Variants in LUZP2 observed in about 807,000 individuals in gnomAD.
LUZP2 encodes leucine zipper protein 2.
A neutral mutation model predicts 51.6 loss-of-function variants in LUZP2; 52 were observed. The ratio of observed to expected loss-of-function variants is 1.01; its 90% confidence interval spans 0.81 to 1.27. The LOEUF (loss-of-function observed/expected upper bound fraction) is 1.27. Among genes scored for constraint, LUZP2 ranks in the 50% most tolerant of loss-of-function variants. The pLI is 0.00. For missense variants in LUZP2, 436 were observed against 395.4 expected (o/e 1.10, Z -0.87); for synonymous variants, 154 against 137.3 (o/e 1.12, Z -0.85).
chr11:24,667,972 T>C (rs1856272739), intron 1 of LUZP2, among the ~76,000 whole-genome samples: 1 of 152,170 alleles, frequency 6.6e-6, no homozygotes, highest in African/African-American at 2.4e-5. Context: ...TTTATAGAAA[T>C]GAGAACTATA....
chr11:24,802,980 T>A (rs1849736637), intron 5 of LUZP2, among the ~76,000 whole-genome samples: 1 of 152,068 alleles, frequency 6.6e-6, no homozygotes, highest in African/African-American at 2.4e-5. Flanking sequence ...TTGTGAGAAA[T>A]AACTTTCTGT....
At chr11:24,907,942 A>G (rs963597440) in intron 6 of LUZP2, among the ~76,000 whole-genome samples, 10 of 152,008 alleles carry the variant, frequency 6.6e-5, no homozygotes, top group African/African-American at 2.2e-4. Flanking sequence ...GTTCATTGCA[A>G]TTTATTTGCT....
chr11:24,750,948 A>T (rs551366228), intron 4 of LUZP2, among the ~76,000 whole-genome samples: 2 of 152,150 alleles, frequency 1.3e-5, no homozygotes, highest in South Asian at 4.1e-4. Flanking sequence ...TTTTATAATC[A>T]AAATATATGG....
At chr11:24,616,298 C>T (rs942015066) in intron 1 of LUZP2, among the ~76,000 whole-genome samples, 1 of 152,012 alleles carries the variant, frequency 6.6e-6, no homozygotes, top group Non-Finnish European at 1.5e-5. Context: ...TTCACCCCAC[C>T]TTTTCCCCTA....
chr11:24,814,580 T>C (rs1329263055), intron 5 of LUZP2, among the ~76,000 whole-genome samples: 2 of 152,196 alleles, frequency 1.3e-5, no homozygotes, highest in African/African-American at 4.8e-5. Context: ...TTCTTGCAAA[T>C]GGTTTCTTTA....
At chr11:24,884,285 A>C (rs1852596981) in intron 5 of LUZP2, among the ~76,000 whole-genome samples, 1 of 152,022 alleles carries the variant, frequency 6.6e-6, no homozygotes. Context: ...AAACAGATTA[A>C]ATAAAGGAAG....
At chr11:24,986,692 C>G (rs1051875523) in intron 9 of LUZP2, among the ~76,000 whole-genome samples, 1 of 151,420 alleles carries the variant, frequency 6.6e-6, no homozygotes, top group Non-Finnish European at 1.5e-5. Flanking sequence ...AATTAATAAA[C>G]AAAAAGGCTT....
chr11:24,741,789 T>C lies in LUZP2; in HGVS notation c.333+3487T>C, dbSNP rs982270148. ...GTTGTATTCCATTATATATATATGG[T>C]TAATATATATATTATGGTTAATTAT... On this transcript the variant is annotated intron_variant, in intron 4 of 11. Transcript: ENST00000336930. 3.5e-5 allele frequency among the ~76,000 whole-genome samples: 5 copies of C among 144,460 alleles called. No individual in the cohort carries two copies. In the Admixed American group the frequency reaches 3.6e-4, roughly 10 times the overall value. The allele number at this position is 144,460 out of a possible 152,430, so 94.8% of individuals were successfully genotyped here.
chr11:24,866,401 T>C (rs1226598166), intron 5 of LUZP2, among the ~76,000 whole-genome samples: 2 of 152,156 alleles, frequency 1.3e-5, no homozygotes, highest in Non-Finnish European at 2.9e-5. Flanking sequence ...ACTATCTCAA[T>C]ATGCTATTGG....
rs190699717 is a variant in LUZP2 at position 24,622,900 on chromosome 11, A to G, written c.63-106269A>G. Among the ~76,000 whole-genome samples, 596 of 152,284 alleles carry G rather than the reference A, an allele frequency of 3.9e-3. 4 individuals are homozygous for G. Among genetic ancestry groups the G allele is most frequent in the African/African-American group, 0.013 (560 of 41,556 alleles). On this transcript the variant is annotated intron_variant, in intron 1 of 11. Coordinates refer to ENST00000336930, the MANE Select transcript of LUZP2 (RefSeq NM_001009909.4). ...AATTTTTAGGCAAACTGTCTTTTTT[A>G]CTTTCTAAATATATGTGGAACTGTT...
In LUZP2 at chr11:25,036,316, A is replaced by G. The variant is rs184932143; in HGVS notation, c.766-13722A>G. On this transcript the variant is annotated intron_variant, in intron 9 of 11. Transcript: ENST00000336930. ...ATATTTCTGTGGGATGAGTTGTAAT[A>G]TCTCCTTTGACATTTCTGATTGTGC... is the stretch of plus-strand genomic sequence containing the variant. Among the ~76,000 whole-genome samples the G allele has an allele frequency of 4.9e-3, 743 of 152,064 alleles. 3 individuals are homozygous for G. Among genetic ancestry groups the G allele is most frequent in the Middle Eastern group, 0.014 (4 of 292 alleles).
intron 1 of LUZP2, among the ~76,000 whole-genome samples, chr11:24,677,087 G>A (rs2133861243): frequency 6.6e-6 from 1 of 151,074 alleles, no homozygotes; most frequent in Non-Finnish European, 1.5e-5. Flanking sequence ...TACCTTTTCT[G>A]CCTCCTAATG....
At chr11:24,629,696 G>T (rs3992983) in intron 1 of LUZP2, among the ~76,000 whole-genome samples, 151,553 of 151,604 alleles carry the variant, frequency 1, 75,751 homozygotes, top group Non-Finnish European at 1. Context: ...TTTATTTTCC[G>T]CTGGATAGAT....
intron 9 of LUZP2, among the ~76,000 whole-genome samples, chr11:25,014,119 T>TA (rs1857067870): frequency 6.6e-6 from 1 of 152,204 alleles, no homozygotes; most frequent in Non-Finnish European, 1.5e-5. Flanking sequence ...ATGGTGTATA[T>TA]GTGCCACATT....
chr11:24,658,161 C>T lies in LUZP2; in HGVS notation c.63-71008C>T, dbSNP rs562088020. Among the ~76,000 whole-genome samples, 8 of 152,292 alleles carry T rather than the reference C, an allele frequency of 5.3e-5. No homozygotes were observed. The South Asian group carries it at 1.5e-3, about 28-fold the overall frequency. ...AACAAAGCTGGAGGCATCACGCTAC[C>T]TGACTTCAAACTATGCTACAAGGCT... On this transcript the variant is annotated intron_variant, in intron 1 of 11. Transcript: ENST00000336930.
At chr11:24,804,181 C>A (rs1037663717) in intron 5 of LUZP2, among the ~76,000 whole-genome samples, 2 of 151,920 alleles carry the variant, frequency 1.3e-5, no homozygotes, top group African/African-American at 4.8e-5. Flanking sequence ...GGCACAAAGA[C>A]CAAATACATT....
intron 10 of LUZP2, among the ~76,000 whole-genome samples, chr11:25,051,591 A>G (rs1858516899): frequency 6.6e-6 from 1 of 152,180 alleles, no homozygotes; most frequent in Admixed American, 6.5e-5. Context: ...AAAAAACAGT[A>G]CACAAAATGG....
At chr11:24,704,043 A>G (rs1293196699) in intron 1 of LUZP2, among the ~76,000 whole-genome samples, 1 of 152,228 alleles carries the variant, frequency 6.6e-6, no homozygotes, top group Admixed American at 6.5e-5. Flanking sequence ...ATAAAACTTA[A>G]TAAAATAAAA....
chr11:24,840,160 G>C (rs59377378), intron 5 of LUZP2, among the ~76,000 whole-genome samples: 122 of 151,850 alleles, frequency 8.0e-4, no homozygotes, highest in African/African-American at 2.7e-3. Context: ...TCTGTAGACT[G>C]TATGCTTACT....
Sources: gnomAD v4.1 joint callset for allele counts (sites outside exome capture counted in the v4.1 genomes callset) on GRCh38, gnomAD v4.1.1 for gene constraint, MANE v1.5 for transcripts, NCBI Gene and HGNC (gene_info 2026-07-23, HGNC 2026-07-21) for gene names.